The following RUSC1 variants were observed in gnomAD, a reference collection of about 807,000 sequenced individuals.
RUSC1 encodes the protein AP-4 complex accessory subunit RUSC1.
In RUSC1, 40 loss-of-function variants were observed where a neutral mutation model predicts 72.1. The ratio of observed to expected loss-of-function variants is 0.55; its 90% confidence interval spans 0.43 to 0.72. The LOEUF is 0.72. Ranked by LOEUF, RUSC1 falls within the 30% of genes least tolerant of loss-of-function variation. The pLI is 0.00. For missense variants in RUSC1, 1,092 were observed against 1,172.3 expected (o/e 0.93, Z 1.00); for synonymous variants, 512 against 494.2 (o/e 1.04, Z -0.48).
Position 155,321,728 on chromosome 1 carries a change from C to T in RUSC1, c.-46C>T, listed in dbSNP as rs1349973611. ...TGCCAGGTAGGTGGATGTGAGAGAC[C>T]CTACCCTTCTGGTTCTCTAGAAGCC... On this transcript the variant is annotated 5_prime_UTR_variant, in exon 2 of 10. Transcript: ENST00000368352. The T allele has an allele frequency of 6.2e-7, 1 of 1,609,630 alleles. No individual in the cohort carries two copies. The highest frequency in any genetic ancestry group is 8.5e-7 in the Non-Finnish European group (1 of 1,177,444).
At chr1:155,324,389 C>A in intron 2 of RUSC1, 1 of 1,612,878 alleles carries the variant, frequency 6.2e-7, no homozygotes, top group Non-Finnish European at 8.5e-7. Context: ...CGTCTCCTCC[C>A]TTTCCCCTGT....
chr1:155,323,797 C>A, intron 2 of RUSC1: 1 of 481,866 alleles, frequency 2.1e-6, no homozygotes, highest in Non-Finnish European at 2.7e-6. Flanking sequence ...GAGCCCATCG[C>A]CTCCGCCCAG....
Position 155,324,459 on chromosome 1 carries a change from G to C in RUSC1, c.1358-386G>C, listed in dbSNP as rs375704807. ...CCCCGGGGCTCCGCAGGCAGGACTG[G>C]GCCCCGGGGCGGTGCGCTGGGCTAC... On this transcript the variant is annotated intron_variant, in intron 2 of 9. Coordinates refer to ENST00000368352, the MANE Select transcript of RUSC1 (RefSeq NM_001105203.2). 10 of 1,611,960 alleles carry C rather than the reference G, an allele frequency of 6.2e-6. No individual in the cohort carries two copies. In the African/African-American group the frequency reaches 1.3e-4, roughly 22 times the overall value.
At chr1:155,324,812 A>T in intron 2 of RUSC1, 33 bp from the exon 3 acceptor site, 1 of 1,614,076 alleles carries the variant, frequency 6.2e-7, no homozygotes, top group Non-Finnish European at 8.5e-7. Flanking sequence ...AACACTTGGT[A>T]AGTGTTACCG....
At chr1:155,321,170 CG>C (rs1557987078) in intron 1 of RUSC1, 179 bp downstream of exon 1, 1 of 1,373,180 alleles carries the variant, frequency 7.3e-7, no homozygotes, top group Non-Finnish European at 9.7e-7. Context: ...GGCTGGAGCC[CG>C]GCCGAGGCAG....
At chr1:155,323,210 T>A in intron 2 of RUSC1, 80 bp downstream of exon 2, 1 of 1,350,506 alleles carries the variant, frequency 7.4e-7, no homozygotes. Flanking sequence ...GCCCCCTGTC[T>A]TCCCTCCATT....
Position 155,325,549 on chromosome 1 carries a change from TGCACCCCACGTTCTCAGGCTCCA to T in RUSC1, c.1709-11_1720del. 1 of 1,608,016 alleles carries T rather than the reference TGCACCCCACGTTCTCAGGCTCCA, an allele frequency of 6.2e-7. No homozygotes were observed. Among genetic ancestry groups the T allele is most frequent in the Non-Finnish European group, 8.5e-7 (1 of 1,179,718 alleles). ...CAGGGCAGGGCCGGGCTTGGCTGACTGCACCCCACGTTCTCAGGCTCCAGCACCCGCTCCCTTGGAACCCTGTA... is the reference window on the plus strand; with the variant it reads ...CAGGGCAGGGCCGGGCTTGGCTGACTGCACCCGCTCCCTTGGAACCCTGTA... On this transcript the variant is annotated splice_acceptor_variant and splice_polypyrimidine_tract_variant and coding_sequence_variant and intron_variant, in exon 6 of 10. Transcript: ENST00000368352. LOFTEE classifies it high-confidence loss of function. The surrounding 1 kb of genome is among the most constrained non-coding windows in gnomAD (Gnocchi z 6.5).
chr1:155,324,495 C>G (rs1297008030), intron 2 of RUSC1: 3 of 1,606,166 alleles, frequency 1.9e-6, no homozygotes, highest in Non-Finnish European at 1.7e-6. Flanking sequence ...ACCTCCCTCC[C>G]CGCGCCCCGT....
intron 1 of RUSC1, chr1:155,321,221 C>G: frequency 7.4e-7 from 1 of 1,359,980 alleles, no homozygotes; most frequent in Non-Finnish European, 9.8e-7. Context: ...GCTGCTCCAT[C>G]CTTTTCCTCT....
At position 155,322,641 on chromosome 1, in the gene RUSC1, A is replaced by G; in HGVS notation, c.868A>G (p.Thr290Ala). The change falls in exon 2 of 10, where the codon ACA (threonine) becomes GCA (alanine). Residue 290 changes from threonine to alanine, a missense_variant. Thr to Ala is a moderately conservative substitution (Grantham distance 58, BLOSUM62 0). Transcript: ENST00000368352. ...NTRITDSGSK[T>A]DAGKIDGGWR... is the part of the protein sequence containing the mutation. ...AAGAATAACTGATTCTGGCTCGAAA[A>G]CAGATGCAGGGAAAATTGATGGAGG... The G allele has an allele frequency of 1.2e-6, 2 of 1,614,246 alleles. No individual in the cohort carries two copies. The highest frequency in any genetic ancestry group is 1.7e-6 in the Non-Finnish European group (2 of 1,180,040).
At chr1:155,321,309 G>C (rs1650439222) in intron 1 of RUSC1, 32 of 1,371,590 alleles carry the variant, frequency 2.3e-5, no homozygotes, top group Non-Finnish European at 3.1e-5. Context: ...CTCCTTTCAG[G>C]GCATCTGGGT....
chr1:155,326,512 G>A lies in RUSC1; in HGVS notation c.1862-68G>A, dbSNP rs1257467893. 5 of 1,476,136 alleles carry A rather than the reference G, an allele frequency of 3.4e-6. No homozygotes were observed. The African/African-American group carries it at 5.6e-5, about 16-fold the overall frequency. The allele number at this position is 1,476,136 out of a possible 1,614,324, so 91.4% of individuals were successfully genotyped here. The stretch of plus-strand genomic sequence containing the variant: ...CTGGGAAGATGTGTGCTGACTGGTG[G>A]GCTGCTCTGGGGGGTCTTCTGGGAC... On this transcript the variant is annotated intron_variant, in intron 7 of 9. Coordinates refer to ENST00000368352, the MANE Select transcript of RUSC1 (RefSeq NM_001105203.2). This position sits in a 1 kb window ranked among gnomAD's most constrained non-coding sequence, Gnocchi z 4.7.
intron 2 of RUSC1, chr1:155,324,632 G>T: frequency 6.6e-7 from 1 of 1,522,878 alleles, no homozygotes; most frequent in South Asian, 1.2e-5. Flanking sequence ...CCGGGATGGG[G>T]CTGGGGGACA....
At chr1:155,327,467 C>T (rs1651542992) in intron 8 of RUSC1, among the ~76,000 whole-genome samples, 1 of 152,290 alleles carries the variant, frequency 6.6e-6, no homozygotes, top group Non-Finnish European at 1.5e-5. Context: ...TGTGGTATTA[C>T]ATCCTGAGAA....
At chr1:155,328,497 G>T (rs1651661600) in intron 9 of RUSC1, among the ~76,000 whole-genome samples, 1 of 151,904 alleles carries the variant, frequency 6.6e-6, no homozygotes, top group Non-Finnish European at 1.5e-5. Flanking sequence ...GGAGTGCAGG[G>T]GCACAATCTC....
At chr1:155,328,455 A>G (rs1290530177) in intron 9 of RUSC1, among the ~76,000 whole-genome samples, 180 bp downstream of exon 9, 1 of 150,736 alleles carries the variant, frequency 6.6e-6, no homozygotes, top group Non-Finnish European at 1.5e-5. Flanking sequence ...TTTTTTTTTA[A>G]GAGACAAGAG....
At chr1:155,324,408 C>T (rs768764760) in intron 2 of RUSC1, 4 of 1,613,084 alleles carry the variant, frequency 2.5e-6, no homozygotes, top group Admixed American at 1.7e-5. Context: ...GTCTGTCTTT[C>T]CATTGGTCCA....
chr1:155,328,138 C>T lies in RUSC1; in HGVS notation c.2415-12C>T. The T allele has an allele frequency of 6.2e-7, 1 of 1,611,070 alleles. No homozygotes were observed. The highest frequency in any genetic ancestry group is 2.2e-5 in the East Asian group (1 of 44,854). On this transcript the variant is annotated splice_polypyrimidine_tract_variant and intron_variant, in intron 8 of 9. Coordinates refer to ENST00000368352, the MANE Select transcript of RUSC1 (RefSeq NM_001105203.2). ...AGTGGGTTGAGCTGTGACCCTATGT[C>T]CCTTCTTTTAGGAGACCATCTAGCT...
rs751958925 is a variant in RUSC1 at position 155,324,941 on chromosome 1, A to T, written c.1454A>T (p.Lys485Ile). 30 of 1,613,984 alleles carry T rather than the reference A, an allele frequency of 1.9e-5. No homozygotes were observed. The Admixed American group carries it at 2.7e-4, about 14-fold the overall frequency. Residue 485 changes from lysine to isoleucine, a missense_variant and splice_region_variant, in exon 3 of 10, where the codon AAA (lysine) becomes ATA (isoleucine). Physicochemically the swap from Lys to Ile is moderately radical, Grantham distance 102. Coordinates refer to ENST00000368352, the MANE Select transcript of RUSC1 (RefSeq NM_001105203.2). The stretch of plus-strand genomic sequence containing the variant: ...ACTGGTCAGCTGCAGGAGCAGAAGA[A>T]AGGTAGGGCACCCTGACTCCCGACC... ...SGTGQLQEQK[K>I]GLLIAVSVSV...
Sources: gnomAD v4.1 joint callset for allele counts (sites outside exome capture counted in the v4.1 genomes callset) on GRCh38, gnomAD v4.1.1 for gene constraint, Gnocchi (gnomAD v3.1) non-coding constraint, MANE v1.5 for transcripts, NCBI Gene and HGNC (gene_info 2026-07-23, HGNC 2026-07-21) for gene names.